ABCC1: variants seen among roughly 807,000 people sequenced by gnomAD.
ABCC1 encodes multidrug resistance-associated protein 1.
In ABCC1, 83 loss-of-function variants were observed where a neutral mutation model predicts 172.9. That is an observed-to-expected ratio of 0.48 (90% CI 0.40 to 0.58). The LOEUF (loss-of-function observed/expected upper bound fraction) is 0.58, where lower values mean the gene tolerates loss of function less well. ABCC1 is among the 20% of genes least tolerant of loss of function. The pLI is 0.00. For missense variants in ABCC1, 1,817 were observed against 2,002.7 expected, an observed-to-expected ratio of 0.91 and a Z score of 1.77; for synonymous variants, 937 against 825.2, an observed-to-expected ratio of 1.14 and a Z score of -2.32.
chr16:16,091,814 G>A (rs967039741), intron 19 of ABCC1, among the ~76,000 whole-genome samples: 3 of 152,194 alleles, frequency 2.0e-5, no homozygotes, highest in Admixed American at 6.5e-5. Flanking sequence ...CCAGCCCCAG[G>A]ATACACAGCA....
intron 3 of ABCC1, among the ~76,000 whole-genome samples, chr16:16,014,191 A>T (rs528751156): frequency 6.6e-6 from 1 of 152,282 alleles, no homozygotes; most frequent in African/African-American, 2.4e-5. Flanking sequence ...CACACCTGTA[A>T]TCCCAGCACC....
chr16:16,011,113 G>T (rs958004427), intron 3 of ABCC1, among the ~76,000 whole-genome samples: 1 of 152,082 alleles, frequency 6.6e-6, no homozygotes, highest in Non-Finnish European at 1.5e-5. Context: ...CACGCCTGTA[G>T]TCCTAGCTAC....
chr16:16,120,040 A>C (rs544549663), intron 23 of ABCC1, among the ~76,000 whole-genome samples: 1 of 152,104 alleles, frequency 6.6e-6, no homozygotes, highest in Non-Finnish European at 1.5e-5. Flanking sequence ...TCACTTACAT[A>C]GCTTCTGGGG....
intron 5 of ABCC1, among the ~76,000 whole-genome samples, chr16:16,030,790 C>T (rs1266225820): frequency 6.6e-6 from 1 of 152,048 alleles, no homozygotes. Context: ...TTCAGTGCCC[C>T]AGTCGCACCC....
At chr16:16,070,060 C>A (rs779179696) in intron 13 of ABCC1, among the ~76,000 whole-genome samples, 2 of 151,332 alleles carry the variant, frequency 1.3e-5, no homozygotes, top group African/African-American at 2.4e-5. Flanking sequence ...CAACATGAAC[C>A]CCGTGTACAC....
At chr16:16,049,506 ACCTTT>A (rs2049342358) in intron 10 of ABCC1, among the ~76,000 whole-genome samples, 1 of 152,042 alleles carries the variant, frequency 6.6e-6, no homozygotes, top group Non-Finnish European at 1.5e-5. Flanking sequence ...TTTGCCACGT[ACCTTT>A]CCTTCCTTCT....
rs114129157 is a variant in ABCC1, at chr16:15,971,773, T to C, written c.48+21974T>C. The stretch of plus-strand genomic sequence containing the variant: ...AGTCTGATGAAATAATTTCCTTTCC[T>C]GGCCAACACACCAAAATGATACGGC... On this transcript the variant is annotated intron_variant, in intron 1 of 30. Coordinates refer to ENST00000399410, the MANE Select transcript of ABCC1 (RefSeq NM_004996.4). 5.4e-3 allele frequency among the ~76,000 whole-genome samples: 829 copies of C among 152,270 alleles called. 5 individuals carry two copies. Among genetic ancestry groups the C allele is most frequent in the African/African-American group, 0.019 (787 of 41,554 alleles).
At position 15,965,942 on chromosome 16, in the gene ABCC1, C is replaced by T. The variant is rs974091798; in HGVS notation, c.48+16143C>T. The stretch of plus-strand genomic sequence containing the variant: ...TCCTGAATACCACATGGGTAGAGTG[C>T]GTATTGGCTTATTTCCTTAGATGAT... On this transcript the variant is annotated intron_variant, in intron 1 of 30. Coordinates refer to ENST00000399410, the MANE Select transcript of ABCC1 (RefSeq NM_004996.4). Among the ~76,000 whole-genome samples, 6 of 152,044 alleles carry T rather than the reference C, an allele frequency of 3.9e-5. No homozygotes were observed. The South Asian group carries it at 8.3e-4, about 21-fold the overall frequency.
chr16:16,010,037 CTTTTTTTTTTTT>C lies in ABCC1; in HGVS notation c.351+148_351+159del, dbSNP rs71388789. The C allele has an allele frequency of 4.0e-3, 430 of 108,124 alleles. 10 individuals are homozygous for C. The highest frequency in any genetic ancestry group is 0.015 in the African/African-American group (266 of 17,512). The allele number at this position is 108,124 out of a possible 1,614,324, so 6.7% of individuals were successfully genotyped here. A position where few individuals can be genotyped will look rare whatever the true frequency, so the allele number is the denominator to read the frequency against. Reference sequence around the variant, plus strand: ...AGCTGGGATATAAATTAAATGTAGCCTTTTTTTTTTTTTTTTTTTTTTTAAAGACATGAGATC... The same window carrying C: ...AGCTGGGATATAAATTAAATGTAGCCTTTTTTTTTTTAAAGACATGAGATC... On this transcript the variant is annotated intron_variant, in intron 3 of 30. Transcript: ENST00000399410.
chr16:15,998,287 G>C (rs923048025), intron 1 of ABCC1, among the ~76,000 whole-genome samples: 4 of 152,028 alleles, frequency 2.6e-5, no homozygotes, highest in Non-Finnish European at 5.9e-5. Flanking sequence ...ACCACGCCTG[G>C]ATAATTTTTA....
chr16:15,967,346 A>G (rs777754793), intron 1 of ABCC1, among the ~76,000 whole-genome samples: 15 of 152,158 alleles, frequency 9.9e-5, no homozygotes, highest in Admixed American at 3.9e-4. Context: ...TAGGGTGGCC[A>G]GGTCTGGGTG....
At chr16:16,051,419 C>T (rs1160432254) in intron 10 of ABCC1, among the ~76,000 whole-genome samples, 1 of 152,010 alleles carries the variant, frequency 6.6e-6, no homozygotes, top group Non-Finnish European at 1.5e-5. Context: ...GCTATCTTAC[C>T]ACTTTGGCCT....
intron 12 of ABCC1, 44 bp downstream of exon 12, chr16:16,056,339 T>G (rs2049653538): frequency 6.2e-7 from 1 of 1,602,668 alleles, no homozygotes; most frequent in Non-Finnish European, 8.5e-7. Flanking sequence ...GTTTGATGTT[T>G]TATTTTCTCT....
chr16:16,117,582 T>C (rs536306137), intron 23 of ABCC1, among the ~76,000 whole-genome samples: 207 of 152,342 alleles, frequency 1.4e-3, no homozygotes, highest in African/African-American at 4.7e-3. Flanking sequence ...TGCCGTGTTT[T>C]AGCTGGGCAC....
At chr16:16,090,615 A>G (rs1345447584) in intron 19 of ABCC1, 27 bp downstream of exon 19, 2 of 1,537,060 alleles carry the variant, frequency 1.3e-6, no homozygotes, top group Non-Finnish European at 1.8e-6. Context: ...GGTTCCACCC[A>G]CTCAGGGTGT....
At chr16:15,983,745 G>T (rs35418200) in intron 1 of ABCC1, among the ~76,000 whole-genome samples, 2 of 151,034 alleles carry the variant, frequency 1.3e-5, no homozygotes, top group Non-Finnish European at 2.9e-5. Context: ...TATTGGAGAC[G>T]GGGTTTCATC....
At chr16:15,956,805 G>A (rs1294188296) in intron 1 of ABCC1, among the ~76,000 whole-genome samples, 1 of 152,152 alleles carries the variant, frequency 6.6e-6, no homozygotes, top group Non-Finnish European at 1.5e-5. Flanking sequence ...AGGAGGCTAA[G>A]GAGGAGGAGG....
intron 26 of ABCC1, 77 bp from the exon 27 acceptor site, chr16:16,131,712 G>C: frequency 6.5e-7 from 1 of 1,534,512 alleles, no homozygotes; most frequent in South Asian, 1.2e-5. Context: ...GAGTGAGTGA[G>C]AGGGGAGGTC....
At chr16:15,970,392 C>T (rs1198879216) in intron 1 of ABCC1, among the ~76,000 whole-genome samples, 1 of 152,184 alleles carries the variant, frequency 6.6e-6, no homozygotes, top group African/African-American at 2.4e-5. Flanking sequence ...CCTCTAGCTG[C>T]AAAGGAGGCT....
Sources: gnomAD v4.1 joint callset for allele counts (sites outside exome capture counted in the v4.1 genomes callset) on GRCh38, gnomAD v4.1.1 for gene constraint, MANE v1.5 for transcripts, NCBI Gene and HGNC (gene_info 2026-07-23, HGNC 2026-07-21) for gene names.